CASP9: variants seen among roughly 807,000 people sequenced by gnomAD.
CASP9 encodes the protein caspase-9.
Under a neutral mutation model 43.5 loss-of-function variants are expected in CASP9, and 29 were observed. The observed-to-expected ratio is 0.67, with a 90% confidence interval of 0.50 to 0.91. The LOEUF (loss-of-function observed/expected upper bound fraction) is 0.91, where lower values mean the gene tolerates loss of function less well. CASP9 is among the 40% of genes least tolerant of loss of function. The pLI, the probability that CASP9 is intolerant of heterozygous loss-of-function variation, is 0.00. For missense variants in CASP9, 575 were observed against 537.4 expected (o/e 1.07, Z -0.69); for synonymous variants, 206 against 211.9 (o/e 0.97, Z 0.24).
At chr1:15,522,956 C>T (rs1048744299) in intron 1 of CASP9, among the ~76,000 whole-genome samples, 1 of 152,224 alleles carries the variant, frequency 6.6e-6, no homozygotes, top group South Asian at 2.1e-4. Flanking sequence ...TGAATAATTA[C>T]TCATATGATA....
chr1:15,519,637 G>A (rs764990288), intron 1 of CASP9, among the ~76,000 whole-genome samples: 3 of 152,176 alleles, frequency 2.0e-5, no homozygotes, highest in Non-Finnish European at 4.4e-5. Flanking sequence ...AAAGGACAAA[G>A]CAGAGATACA....
At chr1:15,502,038 C>A (rs1344855024) in intron 6 of CASP9, among the ~76,000 whole-genome samples, 1 of 152,218 alleles carries the variant, frequency 6.6e-6, no homozygotes, top group Non-Finnish European at 1.5e-5. Context: ...GCGTGAACCA[C>A]CACAGATGCT....
chr1:15,524,799 T>TCGCCC, upstream of CASP9: 1 of 977,342 alleles, frequency 1.0e-6, no homozygotes, highest in Non-Finnish European at 1.2e-6. Flanking sequence ...CTAGAAGGTC[T>TCGCCC]CGCCCCGCCC....
chr1:15,502,562 G>T (rs1709365929), intron 6 of CASP9, among the ~76,000 whole-genome samples: 2 of 151,974 alleles, frequency 1.3e-5, no homozygotes, highest in East Asian at 3.9e-4. Context: ...GCCGTGCTGG[G>T]GACTCGGAGC....
At chr1:15,517,401 C>G (rs184849125) in intron 2 of CASP9, among the ~76,000 whole-genome samples, 1 of 151,918 alleles carries the variant, frequency 6.6e-6, no homozygotes, top group East Asian at 1.9e-4. Flanking sequence ...GAGATGAGAA[C>G]GGTGATTACC....
intron 6 of CASP9, among the ~76,000 whole-genome samples, chr1:15,501,848 T>G (rs1210127689): frequency 6.6e-6 from 1 of 152,132 alleles, no homozygotes; most frequent in Non-Finnish European, 1.5e-5. Context: ...CATGGCTCAC[T>G]GTAGCCTCGA....
At position 15,508,430 on chromosome 1, in the gene CASP9, G is replaced by A. The variant is rs1472380316; in HGVS notation, c.419-523C>T. Among the ~76,000 whole-genome samples, 5 of 150,160 alleles carry A rather than the reference G, an allele frequency of 3.3e-5. No homozygotes were observed. In the East Asian group the frequency reaches 9.8e-4, roughly 29 times the overall value. On this transcript the variant is annotated intron_variant, in intron 2 of 8. Transcript: ENST00000333868. ...TTTTTCTTTTTTCTTTTTCTTTTTT[G>A]AGACGGAGTTTCACTCTTGTCGCCC...
chr1:15,494,787 C>T lies in CASP9; in HGVS notation c.1048+486G>A, dbSNP rs1709037347. Among the ~76,000 whole-genome samples the T allele has an allele frequency of 1.4e-5, 2 of 138,348 alleles. 1 individual carries two copies. The highest frequency in any genetic ancestry group is 5.6e-5 in the African/African-American group (2 of 35,824). 90.8% of individuals were successfully genotyped at this position (138,348 alleles called of 152,430 possible). A position where few individuals can be genotyped will look rare whatever the true frequency, so the allele number is the denominator to read the frequency against. On this transcript the variant is annotated intron_variant, in intron 7 of 8. Transcript: ENST00000333868. ...CTGAGGCAGGAGAATGGTGTGAACCCGGGATGCAGAGCTTGCAGTGACCCA... is the reference window on the plus strand; with the variant it reads ...CTGAGGCAGGAGAATGGTGTGAACCTGGGATGCAGAGCTTGCAGTGACCCA...
intron 6 of CASP9, among the ~76,000 whole-genome samples, chr1:15,499,080 G>A (rs1292988064): frequency 3.9e-5 from 6 of 152,130 alleles, no homozygotes; most frequent in South Asian, 2.1e-4. Flanking sequence ...TAAAAAATGC[G>A]CAGGCCACCT....
intron 2 of CASP9, among the ~76,000 whole-genome samples, chr1:15,516,335 C>CA (rs1709947208): frequency 6.7e-6 from 1 of 149,770 alleles, no homozygotes; most frequent in African/African-American, 2.5e-5. Flanking sequence ...ACAAAAAATA[C>CA]AAAAAAATTA....
intron 1 of CASP9, among the ~76,000 whole-genome samples, chr1:15,519,683 G>T (rs1446219803): frequency 6.6e-6 from 1 of 152,120 alleles, no homozygotes; most frequent in African/African-American, 2.4e-5. Context: ...GCACTGACTG[G>T]GGGGACTGTG....
rs1201376178 is a variant in CASP9 at position 15,495,415 on chromosome 1, G to C, written c.906C>G (p.Ser302=). The change falls in exon 7 of 9, where the codon TCC becomes TCG. Residue 302 remains serine (S), a synonymous_variant. Coordinates refer to ENST00000333868, the MANE Select transcript of CASP9 (RefSeq NM_001229.5). Reference sequence around the variant, plus strand: ...TACTGCCAGGGGACTCGTCTTCAGGGGAAGTGGAGGCCACCTCAAACCCAT... The same window carrying C: ...TACTGCCAGGGGACTCGTCTTCAGGCGAAGTGGAGGCCACCTCAAACCCAT... ...KDHGFEVAST[S]PEDESPGSNP... The C allele has an allele frequency of 3.7e-6, 6 of 1,605,032 alleles. No homozygotes were observed. Among genetic ancestry groups the C allele is most frequent in the African/African-American group, 1.3e-5 (1 of 74,566 alleles).
At chr1:15,504,910 C>G (rs2103346684) in intron 5 of CASP9, 152 bp from the exon 6 acceptor site, 2 of 685,702 alleles carry the variant, frequency 2.9e-6, no homozygotes, top group South Asian at 2.0e-5. Context: ...CTGGAAAGAC[C>G]CTGGTCAGCA....
intron 1 of CASP9, among the ~76,000 whole-genome samples, chr1:15,523,140 G>A (rs1710275982): frequency 6.6e-6 from 1 of 152,174 alleles, no homozygotes; most frequent in Non-Finnish European, 1.5e-5. Context: ...AACCTCAAAT[G>A]TTTGACTTCA....
chr1:15,497,661 T>C lies in CASP9; in HGVS notation c.869-2209A>G, dbSNP rs548334340. Among the ~76,000 whole-genome samples the C allele has an allele frequency of 3.4e-5, 5 of 147,120 alleles. No homozygotes were observed. In the South Asian group the frequency reaches 1.1e-3, roughly 31 times the overall value. On this transcript the variant is annotated intron_variant, in intron 6 of 8. Coordinates refer to ENST00000333868, the MANE Select transcript of CASP9 (RefSeq NM_001229.5). ...TGTCTCAAGAAAAAAAAAAAAAAGA[T>C]ATAAATAAATGGAAATATATCCTAT... is the stretch of plus-strand genomic sequence containing the variant.
intron 6 of CASP9, 110 bp downstream of exon 6, chr1:15,504,501 A>G: frequency 1.8e-6 from 2 of 1,131,412 alleles, no homozygotes; most frequent in South Asian, 3.2e-5. Context: ...GTACCCTCTG[A>G]CTGCCTGGAG....
chr1:15,517,148 T>C (rs1025755579), intron 2 of CASP9, among the ~76,000 whole-genome samples: 2 of 152,138 alleles, frequency 1.3e-5, no homozygotes, highest in Admixed American at 1.3e-4. Context: ...CACGCTGCCA[T>C]GGGAACAAAG....
chr1:15,506,931 T>C lies in CASP9; in HGVS notation c.598A>G (p.Met200Val), dbSNP rs375030374. 14 of 1,604,694 alleles carry C rather than the reference T, an allele frequency of 8.7e-6. No individual in the cohort carries two copies. Among genetic ancestry groups the C allele is most frequent in the Non-Finnish European group, 1.1e-5 (13 of 1,174,356 alleles). ...LRRRFSSLHF[M>V]VEVKGDLTAK... ...GTCAGGTCGCCCTTCACCTCCACCA[T>C]GAAATGCAGCGAGGAGAAGCGACGC... The change falls in exon 4 of 9, where the codon ATG becomes GTG. Residue 200 changes from methionine (M) to valine (V), a missense_variant. Met to Val is a conservative substitution (Grantham distance 21). Coordinates refer to ENST00000333868, the MANE Select transcript of CASP9 (RefSeq NM_001229.5).
rs757414417 is a variant in CASP9, at chr1:15,518,130, GA to G, written c.397del (p.Ser133LeufsTer13). 6.2e-7 allele frequency: 1 copy of G among 1,614,030 alleles called. No homozygotes were observed. Among genetic ancestry groups the G allele is most frequent in the African/African-American group, 1.3e-5 (1 of 74,900 alleles). ...PETPRPVDIG[S>X]GGFGDVGALE... Reference sequence around the variant, plus strand: ...CTTACCGACATCACCAAATCCTCCAGAACCAATGTCCACTGGTCTGGGTGTT... The same window carrying G: ...CTTACCGACATCACCAAATCCTCCAGACCAATGTCCACTGGTCTGGGTGTT... On this transcript the variant is annotated frameshift_variant, in exon 2 of 9. Coordinates refer to ENST00000333868, the MANE Select transcript of CASP9 (RefSeq NM_001229.5). LOFTEE classifies it high-confidence loss of function.
Sources: allele counts gnomAD v4.1 joint callset (sites outside exome capture counted in the v4.1 genomes callset), GRCh38; gene constraint gnomAD v4.1.1; transcripts MANE v1.5; gene names NCBI Gene and HGNC (gene_info 2026-07-23, HGNC 2026-07-21).